Variants in EYA4 observed in about 807,000 individuals in gnomAD.
EYA4 encodes EYA transcriptional coactivator and phosphatase 4.
Under a neutral mutation model 87.9 loss-of-function variants are expected in EYA4, and 31 were observed. The ratio of observed to expected loss-of-function variants is 0.35; its 90% CI spans 0.27 to 0.48. EYA4 has a LOEUF of 0.48. EYA4 is among the 20% of genes least tolerant of loss of function. EYA4 has a pLI of 0.99. For synonymous variants in EYA4, 263 were observed against 270.6 expected, an observed-to-expected ratio of 0.97 and a Z score of 0.28; for missense variants, 678 against 761.4, an observed-to-expected ratio of 0.89 and a Z score of 1.29.
chr6:133,514,633 C>A (rs557146107), intron 16 of EYA4, among the ~76,000 whole-genome samples: 1 of 152,152 alleles, frequency 6.6e-6, no homozygotes. Flanking sequence ...AATGGATTTA[C>A]ATGATCTTGT....
intron 2 of EYA4, among the ~76,000 whole-genome samples, chr6:133,325,808 C>T (rs972585154): frequency 6.6e-6 from 1 of 152,172 alleles, no homozygotes; most frequent in Non-Finnish European, 1.5e-5. Flanking sequence ...AAGCAGCCAT[C>T]CACGAGATGC....
At chr6:133,469,113 C>T (rs212765) in intron 11 of EYA4, among the ~76,000 whole-genome samples, 1 of 151,782 alleles carries the variant, frequency 6.6e-6, no homozygotes, top group Admixed American at 6.6e-5. Flanking sequence ...AGCTCTAGCC[C>T]GTGAACATTT....
chr6:133,288,135 A>AT (rs910509016), intron 2 of EYA4, among the ~76,000 whole-genome samples: 7 of 144,776 alleles, frequency 4.8e-5, no homozygotes, highest in East Asian at 2.4e-4. Flanking sequence ...CTCCATTTCA[A>AT]TAAAAAAAAG....
chr6:133,388,951 C>T (rs531525959), intron 3 of EYA4, among the ~76,000 whole-genome samples: 20 of 152,180 alleles, frequency 1.3e-4, no homozygotes, highest in Non-Finnish European at 2.2e-4. Context: ...TGCTTCTGCT[C>T]GGTGTGCATG....
At chr6:133,403,390 A>G (rs1788427496) in intron 3 of EYA4, among the ~76,000 whole-genome samples, 1 of 152,216 alleles carries the variant, frequency 6.6e-6, no homozygotes, top group Non-Finnish European at 1.5e-5. Flanking sequence ...TAACTCCCAA[A>G]GACCTAGCCT....
intron 3 of EYA4, among the ~76,000 whole-genome samples, chr6:133,434,754 G>A (rs761763479): frequency 1.3e-5 from 2 of 151,998 alleles, no homozygotes; most frequent in Non-Finnish European, 2.9e-5. Context: ...GCTCTTGTTA[G>A]TACAACATTG....
chr6:133,515,610 AGT>A (rs1033752816), intron 17 of EYA4, among the ~76,000 whole-genome samples, 175 bp downstream of exon 17: 5 of 131,498 alleles, frequency 3.8e-5, no homozygotes, highest in Non-Finnish European at 7.8e-5. Context: ...AGAGAGAGAG[AGT>A]GTGTGTGTGA....
At chr6:133,422,097 A>G (rs1401588334) in intron 3 of EYA4, among the ~76,000 whole-genome samples, 1 of 152,202 alleles carries the variant, frequency 6.6e-6, no homozygotes, top group Non-Finnish European at 1.5e-5. Context: ...AGCAGAGACA[A>G]ATACACATGT....
At chr6:133,322,565 A>G (rs1781174548) in intron 2 of EYA4, among the ~76,000 whole-genome samples, 1 of 152,284 alleles carries the variant, frequency 6.6e-6, no homozygotes, top group East Asian at 1.9e-4. Flanking sequence ...AATATGTACC[A>G]TTCCCTCTTT....
chr6:133,400,399 T>A (rs1583178254), intron 3 of EYA4, among the ~76,000 whole-genome samples: 1 of 151,658 alleles, frequency 6.6e-6, no homozygotes, highest in East Asian at 1.9e-4. Context: ...TCCCAGCTAC[T>A]CCGGAGGATG....
intron 2 of EYA4, among the ~76,000 whole-genome samples, chr6:133,283,667 T>A (rs1294766050): frequency 6.6e-6 from 1 of 152,216 alleles, no homozygotes; most frequent in African/African-American, 2.4e-5. Flanking sequence ...TATTCCAGAA[T>A]CCATACTGTT....
intron 3 of EYA4, among the ~76,000 whole-genome samples, chr6:133,407,849 G>A (rs1288329406): frequency 6.6e-6 from 1 of 152,148 alleles, no homozygotes; most frequent in South Asian, 2.1e-4. Context: ...TATCTGTCAT[G>A]CAATTTGAGT....
intron 3 of EYA4, among the ~76,000 whole-genome samples, chr6:133,385,429 GT>G (rs1562358769): frequency 3.4e-5 from 5 of 148,770 alleles, no homozygotes; most frequent in African/African-American, 1.2e-4. Flanking sequence ...GTGTGTGTGT[GT>G]GTGTGTGTGT....
At chr6:133,361,988 T>C (rs961824166) in intron 2 of EYA4, among the ~76,000 whole-genome samples, 4 of 152,210 alleles carry the variant, frequency 2.6e-5, no homozygotes, top group Middle Eastern at 3.2e-3. Flanking sequence ...CTGACCCTCT[T>C]TGTAACAACA....
chr6:133,375,256 T>C (rs1347740755), intron 2 of EYA4, among the ~76,000 whole-genome samples: 2 of 151,982 alleles, frequency 1.3e-5, no homozygotes, highest in Non-Finnish European at 2.9e-5. Flanking sequence ...AAAATAATCA[T>C]AGGTTATCAC....
chr6:133,442,859 T>C (rs974494072), intron 3 of EYA4, among the ~76,000 whole-genome samples: 1 of 152,106 alleles, frequency 6.6e-6, no homozygotes, highest in Non-Finnish European at 1.5e-5. Flanking sequence ...ATTTGTATCA[T>C]GAATGGATGA....
intron 5 of EYA4, among the ~76,000 whole-genome samples, chr6:133,449,447 T>A (rs1562434891): frequency 1.3e-5 from 2 of 152,344 alleles, no homozygotes; most frequent in East Asian, 3.9e-4. Flanking sequence ...AGTGAATATG[T>A]GCAATAAATA....
chr6:133,370,852 T>G (rs1349968402), intron 2 of EYA4, among the ~76,000 whole-genome samples: 2 of 152,218 alleles, frequency 1.3e-5, no homozygotes, highest in African/African-American at 2.4e-5. Context: ...TTTATGGAAC[T>G]ATTTTTTCCT....
At chr6:133,361,302 G>A (rs1784432247) in intron 2 of EYA4, among the ~76,000 whole-genome samples, 1 of 152,130 alleles carries the variant, frequency 6.6e-6, no homozygotes, top group Non-Finnish European at 1.5e-5. Flanking sequence ...CCAAGGGCAG[G>A]CTTGTTTACT....
Sources: allele counts gnomAD v4.1 joint callset (sites outside exome capture counted in the v4.1 genomes callset), GRCh38; gene constraint gnomAD v4.1.1; transcripts MANE v1.5; gene names NCBI Gene and HGNC (gene_info 2026-07-23, HGNC 2026-07-21).